Variants in NUP98 observed in about 807,000 individuals in gnomAD.
The protein encoded by NUP98 is nuclear pore complex protein Nup98-Nup96.
NUP98 carries 26 observed loss-of-function variants against 191.9 expected under a neutral mutation model. The ratio of observed to expected loss-of-function variants is 0.14; its 90% confidence interval spans 0.10 to 0.19. The LOEUF (loss-of-function observed/expected upper bound fraction) is 0.19, where lower values mean the gene tolerates loss of function less well. Among genes scored for constraint, NUP98 ranks in the 10% least tolerant of loss-of-function variants. The pLI is 1.00. For missense variants in NUP98, 1,941 were observed against 2,178.8 expected (o/e 0.89, Z 2.17); for synonymous variants, 808 against 778.4 (o/e 1.04, Z -0.63).
At chr11:3,699,019 C>T (rs900844199) in intron 25 of NUP98, 63 bp downstream of exon 25, 86 of 1,568,356 alleles carry the variant, frequency 5.5e-5, no homozygotes, top group Middle Eastern at 4.6e-4. Context: ...TAGCGGGGAG[C>T]GGTAGGAGGC....
chr11:3,721,507 G>A (rs2134218921), intron 16 of NUP98, among the ~76,000 whole-genome samples: 1 of 152,188 alleles, frequency 6.6e-6, no homozygotes, highest in Non-Finnish European at 1.5e-5. Context: ...AGACAAGCCT[G>A]GCTAACATGG....
At chr11:3,713,757 T>C in intron 19 of NUP98, 61 bp downstream of exon 19, 1 of 1,502,626 alleles carries the variant, frequency 6.7e-7, no homozygotes, top group South Asian at 1.2e-5. Flanking sequence ...CCTTCCAACA[T>C]AAACGTTATG....
In NUP98 at chr11:3,706,583, C is replaced by T. The variant is rs757073342; in HGVS notation, c.2787G>A (p.Leu929=). Residue 929 remains leucine, a synonymous_variant, in exon 21 of 33, where the codon CTG becomes CTA. Transcript: ENST00000324932. ...GGGTGATATCTACCATGTCACTGTC[C>T]AGTTCCACAACCCTCCCTAACTGCT... ...EVEQLGRVVE[L]DSDMVDITQE... is the part of the protein sequence containing the mutation. 1 of 1,614,074 alleles carries T rather than the reference C, an allele frequency of 6.2e-7. No individual in the cohort carries two copies. The highest frequency in any genetic ancestry group is 8.5e-7 in the Non-Finnish European group (1 of 1,180,022).
intron 4 of NUP98, among the ~76,000 whole-genome samples, chr11:3,776,484 TTC>T (rs899134179): frequency 1.4e-5 from 2 of 141,664 alleles, no homozygotes; most frequent in East Asian, 2.1e-4. Context: ...AAATAGAAAT[TTC>T]TTTTTTTTTT....
Position 3,706,458 on chromosome 11 carries a change from G to A in NUP98, c.2912C>T (p.Pro971Leu), listed in dbSNP as rs1427949169. ...TTAGAACTTCACCTGTAAGACATGTGGATTAATTCCCAGTGAAGATGCAAT... is the reference window on the plus strand; with the variant it reads ...TTAGAACTTCACCTGTAAGACATGTAGATTAATTCCCAGTGAAGATGCAAT... ...THIASSLGIN[P>L]HVLQIMKASL... The change falls in exon 21 of 33, where the codon CCA (proline) becomes CTA (leucine). Residue 971 changes from proline to leucine, a missense_variant. By Grantham distance (98) the Pro-to-Leu change is moderately conservative. Transcript: ENST00000324932. The A allele has an allele frequency of 1.2e-6, 2 of 1,614,040 alleles. No individual in the cohort carries two copies. The highest frequency in any genetic ancestry group is 2.2e-5 in the South Asian group (2 of 91,082).
intron 22 of NUP98, among the ~76,000 whole-genome samples, chr11:3,703,640 T>G (rs2078775675): frequency 6.6e-6 from 1 of 152,144 alleles, no homozygotes. Flanking sequence ...CAAGGTTAAG[T>G]CTGGCACCAC....
intron 1 of NUP98, among the ~76,000 whole-genome samples, chr11:3,793,980 T>C (rs1247050965): frequency 6.6e-6 from 1 of 151,864 alleles, no homozygotes; most frequent in Non-Finnish European, 1.5e-5. Context: ...AAAAAATAAA[T>C]AAATAAATAA....
At chr11:3,782,570 A>ATTTT (rs35916882) in intron 1 of NUP98, among the ~76,000 whole-genome samples, 31 of 117,436 alleles carry the variant, frequency 2.6e-4, no homozygotes, top group Non-Finnish European at 4.6e-4. Context: ...AAAAGCTAAC[A>ATTTT]TTTTTTTTTT....
At chr11:3,774,251 A>T (rs997969832) in intron 5 of NUP98, among the ~76,000 whole-genome samples, 1 of 150,122 alleles carries the variant, frequency 6.7e-6, no homozygotes. Flanking sequence ...ATAAAAAAAT[A>T]AAAAATAAAA....
In NUP98 at chr11:3,771,896, C is replaced by T; in HGVS notation, c.636G>A (p.Arg212=). Reference sequence around the variant, plus strand: ...CTCCCACCTGGTTCTGTGGGCCCTTCCTGTTAGCCTGATAATCCTCTAAAC... The same window carrying T: ...CTCCCACCTGGTTCTGTGGGCCCTTTCTGTTAGCCTGATAATCCTCTAAAC... ...ELRLEDYQAN[R]KGPQNQVGAG... is the part of the protein sequence containing the mutation. Residue 212 remains arginine (R), a synonymous_variant, in exon 7 of 33, where the codon AGG becomes AGA. Coordinates refer to ENST00000324932, the MANE Select transcript of NUP98 (RefSeq NM_016320.5). 6.2e-7 allele frequency: 1 copy of T among 1,614,060 alleles called. No individual in the cohort carries two copies. Among genetic ancestry groups the T allele is most frequent in the South Asian group, 1.1e-5 (1 of 91,056 alleles).
intron 30 of NUP98, among the ~76,000 whole-genome samples, chr11:3,680,767 C>T (rs2077960731): frequency 6.6e-6 from 1 of 152,124 alleles, no homozygotes; most frequent in South Asian, 2.1e-4. Flanking sequence ...AACCTAATCT[C>T]GAACTACTGA....
intron 15 of NUP98, 130 bp downstream of exon 15, chr11:3,724,973 G>A (rs1053490657): frequency 4.3e-5 from 22 of 512,736 alleles, no homozygotes; most frequent in Middle Eastern, 5.3e-4. Context: ...ATTTCTAGGC[G>A]CTCATAAGCT....
chr11:3,676,529 T>C lies in NUP98; in HGVS notation c.5165A>G (p.Lys1722Arg). Residue 1722 changes from lysine to arginine, a missense_variant, in exon 32 of 33, where the codon AAA (lysine) becomes AGA (arginine). Physicochemically the swap from Lys to Arg is conservative, Grantham distance 26. This residue lies in a region of NUP98 where 1,030 missense variants were observed against 1,115.8 expected (regional missense o/e 0.92). Transcript: ENST00000324932. ...RIEQIQCYSA[K>R]DRLAQSDMAK... The stretch of plus-strand genomic sequence containing the variant: ...CTTACCTGACTGAGCCAGGCGATCT[T>C]TAGCACTGTAACACTGAATCTGCTC... 3.1e-6 allele frequency: 5 copies of C among 1,614,098 alleles called. No individual in the cohort carries two copies. The South Asian group carries it at 5.5e-5, about 18-fold the overall frequency.
intron 11 of NUP98, among the ~76,000 whole-genome samples, chr11:3,748,982 T>A (rs1027538106): frequency 6.8e-6 from 1 of 148,024 alleles, no homozygotes. Context: ...CCAAAAAGAG[T>A]TAATATCCAC....
chr11:3,790,063 G>A (rs965071171), intron 1 of NUP98, among the ~76,000 whole-genome samples: 1 of 152,136 alleles, frequency 6.6e-6, no homozygotes, highest in South Asian at 2.1e-4. Flanking sequence ...CATTACAGGC[G>A]TGAGCCACGG....
chr11:3,770,542 C>T (rs1162574424), intron 7 of NUP98, among the ~76,000 whole-genome samples: 2 of 140,398 alleles, frequency 1.4e-5, no homozygotes, highest in Non-Finnish European at 1.6e-5. Context: ...TAGATAAATA[C>T]GTATTTGTGT....
intron 7 of NUP98, among the ~76,000 whole-genome samples, chr11:3,769,575 CAAAAAAA>C (rs34035817): frequency 6.5e-5 from 4 of 61,694 alleles, no homozygotes; most frequent in African/African-American, 2.3e-4. Flanking sequence ...GATTCTGTCT[CAAAAAAA>C]AAAAAAAAAA....
At chr11:3,683,101 TC>T (rs1476413640) in intron 30 of NUP98, 98 bp downstream of exon 30, 1 of 1,523,062 alleles carries the variant, frequency 6.6e-7, no homozygotes, top group East Asian at 2.3e-5. Flanking sequence ...GATGGCCATG[TC>T]CTACGTTGAG....
chr11:3,728,547 A>G (rs916132105), intron 14 of NUP98, among the ~76,000 whole-genome samples: 2 of 152,150 alleles, frequency 1.3e-5, no homozygotes, highest in African/African-American at 2.4e-5. Flanking sequence ...CATCCTGGCT[A>G]ACACAGTGAA....
Sources: gnomAD v4.1 joint callset for allele counts (sites outside exome capture counted in the v4.1 genomes callset) on GRCh38, gnomAD v4.1.1 for gene constraint, gnomAD v4.1.1 regional missense constraint, MANE v1.5 for transcripts, NCBI Gene and HGNC (gene_info 2026-07-23, HGNC 2026-07-21) for gene names.